The following FOXK1 variants were observed in gnomAD, a reference collection of about 807,000 sequenced individuals.
FOXK1 encodes the protein forkhead box K1, also known as forkhead box protein K1.
FOXK1 carries 19 observed loss-of-function variants against 51.9 expected under a neutral mutation model. The observed-to-expected ratio is 0.37, with a 90% CI of 0.26 to 0.54. FOXK1 has a LOEUF of 0.54. FOXK1 is among the 20% of genes least tolerant of loss of function. FOXK1 has a pLI of 0.87. For synonymous variants in FOXK1, 537 were observed against 482.6 expected (o/e 1.11, Z -1.48); for missense variants, 870 against 1,032.7 (o/e 0.84, Z 2.16).
chr7:4,750,665 G>GTC (rs1402067781), intron 2 of FOXK1, among the ~76,000 whole-genome samples: 1 of 151,360 alleles, frequency 6.6e-6, no homozygotes, highest in Non-Finnish European at 1.5e-5. Context: ...AGCCAGGATG[G>GTC]TCTCGATCTC....
intron 2 of FOXK1, among the ~76,000 whole-genome samples, chr7:4,746,216 T>G (rs535063887): frequency 6.6e-6 from 1 of 152,344 alleles, no homozygotes. Context: ...TCAAAATCTT[T>G]CCCTTTTAAT....
Position 4,763,402 on chromosome 7 carries a change from C to T in FOXK1, c.*938C>T, listed in dbSNP as rs1196388921. The stretch of plus-strand genomic sequence containing the variant: ...CCCGGTGCTGACGGCCACATGGGGA[C>T]CTAACAGTGCCAAACGCCATCTGCT... On this transcript the variant is annotated 3_prime_UTR_variant, in exon 9 of 9. Transcript: ENST00000328914. 6.6e-6 allele frequency: 1 copy of T among 152,366 alleles called. No homozygotes were observed. Among genetic ancestry groups the T allele is most frequent in the African/African-American group, 2.4e-5 (1 of 41,454 alleles). The allele number at this position is 152,366 out of a possible 1,614,324, so 9.4% of individuals were successfully genotyped here.
chr7:4,754,182 G>C (rs1780813232), intron 2 of FOXK1, among the ~76,000 whole-genome samples: 1 of 152,216 alleles, frequency 6.6e-6, no homozygotes, highest in Non-Finnish European at 1.5e-5. Flanking sequence ...TGCCTGACCA[G>C]GTGCTGCCCT....
intron 1 of FOXK1, among the ~76,000 whole-genome samples, chr7:4,721,709 G>A (rs1485003970): frequency 6.7e-6 from 1 of 148,318 alleles, no homozygotes; most frequent in Non-Finnish European, 1.5e-5. Flanking sequence ...TTCTGCGTCA[G>A]CCTCCCAAGC....
chr7:4,685,039 G>A (rs1779801109), intron 1 of FOXK1, among the ~76,000 whole-genome samples: 1 of 151,914 alleles, frequency 6.6e-6, no homozygotes, highest in South Asian at 2.1e-4. Flanking sequence ...CTGACTTGGT[G>A]CATTAGATGT....
chr7:4,697,360 A>C (rs1583183148), intron 1 of FOXK1, among the ~76,000 whole-genome samples: 1 of 152,342 alleles, frequency 6.6e-6, no homozygotes, highest in African/African-American at 2.4e-5. Context: ...CCAACTTTTC[A>C]GATCAGGGTA....
Position 4,707,422 on chromosome 7 carries a change from C to CCCTGGGCGGGCTTT in FOXK1, c.560+24557_560+24570dup, listed in dbSNP as rs1239395028. Among the ~76,000 whole-genome samples the CCCTGGGCGGGCTTT allele has an allele frequency of 3.9e-5, 6 of 152,234 alleles. No homozygotes were observed. Among genetic ancestry groups the CCCTGGGCGGGCTTT allele is most frequent in the African/African-American group, 1.4e-4 (6 of 41,466 alleles). ...GCAATGCTGCTGAAAGCAGGCCTCT[C>CCCTGGGCGGGCTTT]CCTGGGCGGGCTTTCCGTGTTATTA... On this transcript the variant is annotated intron_variant, in intron 1 of 8. Coordinates refer to ENST00000328914, the MANE Select transcript of FOXK1 (RefSeq NM_001037165.2). The surrounding 1 kb of genome is among the most constrained non-coding windows in gnomAD (Gnocchi z 4.1).
intron 1 of FOXK1, among the ~76,000 whole-genome samples, chr7:4,740,107 C>T (rs1780612906): frequency 6.6e-6 from 1 of 151,966 alleles, no homozygotes; most frequent in African/African-American, 2.4e-5. Flanking sequence ...CCAGCCTGGC[C>T]AACGTGGTGA....
chr7:4,698,700 G>A (rs1398325457), intron 1 of FOXK1, among the ~76,000 whole-genome samples: 1 of 152,064 alleles, frequency 6.6e-6, no homozygotes, highest in African/African-American at 2.4e-5. Flanking sequence ...CTACAGGCAC[G>A]TGCCACCACG....
rs567629538 is a variant in FOXK1 at position 4,696,457 on chromosome 7, G to A, written c.560+13589G>A. 4.6e-5 allele frequency among the ~76,000 whole-genome samples: 7 copies of A among 152,240 alleles called. 1 individual carries two copies. Among genetic ancestry groups the A allele is most frequent in the Admixed American group, 1.3e-4 (2 of 15,282 alleles). ...CGCGTGACATGTCTGTCGTCTACCCGTCACACGGTTGTACCAGGTAGCCTT... is the reference window on the plus strand; with the variant it reads ...CGCGTGACATGTCTGTCGTCTACCCATCACACGGTTGTACCAGGTAGCCTT... On this transcript the variant is annotated intron_variant, in intron 1 of 8. Coordinates refer to ENST00000328914, the MANE Select transcript of FOXK1 (RefSeq NM_001037165.2).
intron 1 of FOXK1, among the ~76,000 whole-genome samples, chr7:4,698,128 A>G (rs942539876): frequency 6.6e-6 from 1 of 152,038 alleles, no homozygotes; most frequent in African/African-American, 2.4e-5. Flanking sequence ...CCCAGCCCTA[A>G]TTTGTTATTA....
Position 4,769,864 on chromosome 7 carries a change from A to G in FOXK1, c.*7400A>G, listed in dbSNP as rs532738266. The G allele has an allele frequency of 9.9e-5, 15 of 152,176 alleles. No individual in the cohort carries two copies. The highest frequency in any genetic ancestry group is 3.6e-4 in the African/African-American group (15 of 41,498). 9.4% of individuals were successfully genotyped at this position (152,176 alleles called of 1,614,324 possible). The stretch of plus-strand genomic sequence containing the variant: ...TTTATCTCGGATTCTTTTTTCTGGA[A>G]TTGTTTGCTCATTTGAGTGGTTGGT... On this transcript the variant is annotated 3_prime_UTR_variant, in exon 9 of 9. Coordinates refer to ENST00000328914, the MANE Select transcript of FOXK1 (RefSeq NM_001037165.2). The surrounding 1 kb of genome is among the most constrained non-coding windows in gnomAD (Gnocchi z 4.1).
intron 2 of FOXK1, among the ~76,000 whole-genome samples, chr7:4,744,281 CA>C (rs1473865637): frequency 1.3e-5 from 2 of 152,022 alleles, no homozygotes; most frequent in Non-Finnish European, 2.9e-5. Flanking sequence ...ATCTTAGCTT[CA>C]GGGGGTACAC....
At chr7:4,757,840 C>G (rs1035805709) in intron 5 of FOXK1, among the ~76,000 whole-genome samples, 2 of 151,956 alleles carry the variant, frequency 1.3e-5, no homozygotes, top group African/African-American at 4.8e-5. Flanking sequence ...AGATTTGGTA[C>G]CCACAACCCC....
rs763185478 is a variant in FOXK1, at chr7:4,735,647, C to T, written c.561-5191C>T. Among the ~76,000 whole-genome samples, 74 of 152,262 alleles carry T rather than the reference C, an allele frequency of 4.9e-4. No individual in the cohort carries two copies. Among genetic ancestry groups the T allele is most frequent in the Non-Finnish European group, 8.8e-4 (60 of 68,030 alleles). ...GGAACCTTTCCGCCGGGCTGGTGGA[C>T]GGAGATTTCTACTCTGTGGACACAC... On this transcript the variant is annotated intron_variant, in intron 1 of 8. Coordinates refer to ENST00000328914, the MANE Select transcript of FOXK1 (RefSeq NM_001037165.2). This position sits in a 1 kb window ranked among gnomAD's most constrained non-coding sequence, Gnocchi z 4.7.
Position 4,769,415 on chromosome 7 carries a change from A to C in FOXK1, c.*6951A>C, listed in dbSNP as rs1370073364. ...CACCAGAGGCTGCCAAAGGTGACTG[A>C]AGCGGTCTCCAAGTCACTCTGTCAC... On this transcript the variant is annotated 3_prime_UTR_variant, in exon 9 of 9. Coordinates refer to ENST00000328914, the MANE Select transcript of FOXK1 (RefSeq NM_001037165.2). This position sits in a 1 kb window ranked among gnomAD's most constrained non-coding sequence, Gnocchi z 4.1. 1.3e-5 allele frequency: 2 copies of C among 151,310 alleles called. No homozygotes were observed. The highest frequency in any genetic ancestry group is 3.9e-4 in the East Asian group (2 of 5,160). 9.4% of individuals were successfully genotyped at this position (151,310 alleles called of 1,614,324 possible). A position where few individuals can be genotyped will look rare whatever the true frequency, so the allele number is the denominator to read the frequency against.
rs573458635 is a variant in FOXK1 at position 4,721,698 on chromosome 7, C to T, written c.561-19140C>T. ...CTCTCCCTCCTGGATTCAAGCAGTTCTTCTGCGTCAGCCTCCCAAGCAGCT... is the reference window on the plus strand; with the variant it reads ...CTCTCCCTCCTGGATTCAAGCAGTTTTTCTGCGTCAGCCTCCCAAGCAGCT... On this transcript the variant is annotated intron_variant, in intron 1 of 8. Coordinates refer to ENST00000328914, the MANE Select transcript of FOXK1 (RefSeq NM_001037165.2). Among the ~76,000 whole-genome samples, 17 of 140,096 alleles carry T rather than the reference C, an allele frequency of 1.2e-4. No homozygotes were observed. The South Asian group carries it at 2.0e-3, about 17-fold the overall frequency. The allele number at this position is 140,096 out of a possible 152,430, so 91.9% of individuals were successfully genotyped here.
chr7:4,752,475 T>C (rs753366096), intron 2 of FOXK1, among the ~76,000 whole-genome samples: 4 of 152,182 alleles, frequency 2.6e-5, no homozygotes, highest in Non-Finnish European at 4.4e-5. Context: ...TTCTGCAAAA[T>C]AACTGCTGGG....
intron 1 of FOXK1, among the ~76,000 whole-genome samples, chr7:4,701,686 G>T (rs1346888620): frequency 6.6e-6 from 1 of 152,192 alleles, no homozygotes; most frequent in Non-Finnish European, 1.5e-5. Context: ...AGGGTCAGGA[G>T]ATCAAGACCA....
Sources: allele counts gnomAD v4.1 joint callset (sites outside exome capture counted in the v4.1 genomes callset), GRCh38; gene constraint gnomAD v4.1.1; non-coding constraint Gnocchi (gnomAD v3.1); transcripts MANE v1.5; gene names NCBI Gene and HGNC (gene_info 2026-07-23, HGNC 2026-07-21).